Variants in LRP12 observed in about 807,000 individuals in gnomAD.
LRP12 encodes LDL receptor related protein 12, also known as low-density lipoprotein receptor-related protein 12.
LRP12 carries 14 observed loss-of-function variants against 66.0 expected under a neutral mutation model. The ratio of observed to expected loss-of-function variants is 0.21; its 90% CI spans 0.14 to 0.33. LRP12 has a LOEUF of 0.33. Among genes scored for constraint, LRP12 ranks in the 10% least tolerant of loss-of-function variants. LRP12 has a pLI of 1.00. For synonymous variants in LRP12, 357 were observed against 359.1 expected (o/e 0.99, Z 0.07); for missense variants, 889 against 1,053.4 (o/e 0.84, Z 2.16).
intron 2 of LRP12, among the ~76,000 whole-genome samples, chr8:104,517,426 A>G (rs1292016564): frequency 6.6e-6 from 1 of 151,946 alleles, no homozygotes; most frequent in Non-Finnish European, 1.5e-5. Context: ...AAAAGAATTT[A>G]ATGACCCAAA....
At position 104,490,966 on chromosome 8, in the gene LRP12, C is replaced by A; in HGVS notation, c.2287G>T (p.Gly763Trp). 6.2e-7 allele frequency: 1 copy of A among 1,613,944 alleles called. No individual in the cohort carries two copies. Among genetic ancestry groups the A allele is most frequent in the Non-Finnish European group, 8.5e-7 (1 of 1,180,020 alleles). Residue 763 changes from glycine to tryptophan, a missense_variant, in exon 7 of 7, where the codon GGG becomes TGG. By Grantham distance (184) the Gly-to-Trp change is radical. Transcript: ENST00000276654. ...NQSPLRQLDN[G>W]VSGREDDDDV... ...TCATCATCTTCTCTTCCACTTACCCCATTATCAAGTTGTCTCAAAGGACTC... is the reference window on the plus strand; with the variant it reads ...TCATCATCTTCTCTTCCACTTACCCAATTATCAAGTTGTCTCAAAGGACTC...
chr8:104,523,289 T>C (rs1188597496), intron 2 of LRP12, among the ~76,000 whole-genome samples: 1 of 152,174 alleles, frequency 6.6e-6, no homozygotes, highest in Non-Finnish European at 1.5e-5. Context: ...TGCATATATA[T>C]GTAAAATACT....
chr8:104,571,303 A>G (rs1251258958), intron 1 of LRP12, among the ~76,000 whole-genome samples: 1 of 152,140 alleles, frequency 6.6e-6, no homozygotes, highest in East Asian at 1.9e-4. Context: ...GCACAGCAGC[A>G]AGTGAGTGGT....
At chr8:104,566,246 A>G in intron 1 of LRP12, 1 of 551,828 alleles carries the variant, frequency 1.8e-6, no homozygotes, top group African/African-American at 1.9e-5. Flanking sequence ...ACAAATGAGA[A>G]GCTGGCTATA....
chr8:104,586,618 T>C (rs545927008), intron 1 of LRP12, among the ~76,000 whole-genome samples: 6 of 152,310 alleles, frequency 3.9e-5, no homozygotes, highest in Non-Finnish European at 4.4e-5. Context: ...ACAACTACTA[T>C]ATATTCTAAG....
intron 3 of LRP12, chr8:104,506,969 TTTC>T (rs1810919846): frequency 6.6e-6 from 1 of 152,194 alleles, no homozygotes; most frequent in Admixed American, 6.5e-5. Flanking sequence ...GAATGCTGAT[TTTC>T]TTTTTTACCA....
chr8:104,540,922 C>T (rs187019633), intron 1 of LRP12, among the ~76,000 whole-genome samples: 4 of 151,952 alleles, frequency 2.6e-5, no homozygotes, highest in South Asian at 2.1e-4. Flanking sequence ...TTAGTAGAGA[C>T]GGGGTTTCAC....
chr8:104,546,908 TTATATAATTA>T (rs572712785), intron 1 of LRP12, among the ~76,000 whole-genome samples: 3,294 of 144,194 alleles, frequency 0.023, 137 homozygotes, highest in African/African-American at 0.078. Context: ...ATTATATATA[TTATATAATTA>T]TATATAATTA....
intron 6 of LRP12, among the ~76,000 whole-genome samples, chr8:104,493,993 T>C (rs1395318524): frequency 6.6e-6 from 1 of 152,224 alleles, no homozygotes; most frequent in Non-Finnish European, 1.5e-5. Context: ...TAGTAAATTA[T>C]CAAACCTGAA....
At chr8:104,532,789 C>T (rs1017665713) in intron 1 of LRP12, among the ~76,000 whole-genome samples, 1 of 152,056 alleles carries the variant, frequency 6.6e-6, no homozygotes, top group Admixed American at 6.6e-5. Context: ...TATTGTATTG[C>T]ACCCCCCACC....
chr8:104,581,865 T>C (rs999230787), intron 1 of LRP12, among the ~76,000 whole-genome samples: 1 of 152,216 alleles, frequency 6.6e-6, no homozygotes, highest in African/African-American at 2.4e-5. Context: ...CACAATGATT[T>C]TGAGAATTAA....
intron 2 of LRP12, among the ~76,000 whole-genome samples, chr8:104,527,546 A>G (rs1811257443): frequency 6.6e-6 from 1 of 151,344 alleles, no homozygotes. Context: ...CATGGATGAA[A>G]TTGGAAATCA....
chr8:104,579,449 A>G (rs935236016), intron 1 of LRP12, among the ~76,000 whole-genome samples: 2 of 152,230 alleles, frequency 1.3e-5, no homozygotes, highest in Non-Finnish European at 2.9e-5. Context: ...CAAATGAAAA[A>G]ACATTCTATG....
chr8:104,587,669 T>C (rs1410749915), intron 1 of LRP12, among the ~76,000 whole-genome samples: 1 of 152,184 alleles, frequency 6.6e-6, no homozygotes, highest in African/African-American at 2.4e-5. Context: ...CACATTCAAT[T>C]CCGTAGATAA....
At chr8:104,583,982 A>G (rs981936442) in intron 1 of LRP12, among the ~76,000 whole-genome samples, 1 of 152,090 alleles carries the variant, frequency 6.6e-6, no homozygotes, top group Admixed American at 6.5e-5. Flanking sequence ...TACAGTATTG[A>G]AATAATATAT....
At position 104,497,626 on chromosome 8, in the gene LRP12, G is replaced by A; in HGVS notation, c.926C>T (p.Thr309Ile). ...TATTTTGACATAATCACCATAACCA[G>A]TACCATCAAGTTTAAAGTCAGTGAA... ...LRFTDFKLDGTGYGDYVKIYD... is the reference protein window; with the variant it reads ...LRFTDFKLDGIGYGDYVKIYD... The change falls in exon 5 of 7, where the codon ACT becomes ATT. Residue 309 changes from threonine to isoleucine, a missense_variant. Physicochemically the swap from Thr to Ile is moderately conservative, Grantham distance 89. Transcript: ENST00000276654. The surrounding 1 kb of genome is among the most constrained non-coding windows in gnomAD (Gnocchi z 4.3). The A allele has an allele frequency of 6.2e-7, 1 of 1,614,040 alleles. No homozygotes were observed. The highest frequency in any genetic ancestry group is 8.5e-7 in the Non-Finnish European group (1 of 1,180,000).
chr8:104,521,031 G>C (rs993857049), intron 2 of LRP12, among the ~76,000 whole-genome samples: 1 of 151,870 alleles, frequency 6.6e-6, no homozygotes, highest in Non-Finnish European at 1.5e-5. Context: ...CTATAGTTCT[G>C]GTACTCACAC....
At chr8:104,562,719 T>C (rs1311270310) in intron 1 of LRP12, among the ~76,000 whole-genome samples, 1 of 152,192 alleles carries the variant, frequency 6.6e-6, no homozygotes, top group Non-Finnish European at 1.5e-5. Context: ...ATAAATTGTC[T>C]TTTGTCCATC....
At chr8:104,498,152 G>A in intron 4 of LRP12, 76 bp from the exon 5 acceptor site, 1 of 1,318,146 alleles carries the variant, frequency 7.6e-7, no homozygotes, top group Non-Finnish European at 1.0e-6. Flanking sequence ...AAAACAGCAA[G>A]TGATATTTTT....
Sources: allele counts gnomAD v4.1 joint callset (sites outside exome capture counted in the v4.1 genomes callset), GRCh38; gene constraint gnomAD v4.1.1; non-coding constraint Gnocchi (gnomAD v3.1); transcripts MANE v1.5; gene names NCBI Gene and HGNC (gene_info 2026-07-23, HGNC 2026-07-21).